The following UTRN variants were observed in gnomAD, a reference collection of about 807,000 sequenced individuals.
The protein encoded by UTRN is dystrophin-related protein 1.
UTRN carries 283 observed loss-of-function variants against 463.9 expected under a neutral mutation model. The ratio of observed to expected loss-of-function variants is 0.61; its 90% CI spans 0.55 to 0.67. The LOEUF is 0.67. UTRN is among the 30% of genes least tolerant of loss of function. The pLI is 0.00. For missense variants in UTRN, 3,922 were observed against 4,084.3 expected (o/e 0.96, Z 1.08); for synonymous variants, 1,442 against 1,431.5 (o/e 1.01, Z -0.17).
intron 51 of UTRN, among the ~76,000 whole-genome samples, chr6:144,635,476 G>C (rs530810101): frequency 7.1e-6 from 1 of 141,314 alleles, no homozygotes; most frequent in East Asian, 2.1e-4. Flanking sequence ...TGAATTCATA[G>C]ACTTCTCAGT....
At chr6:144,406,278 C>T (rs925822635) in intron 3 of UTRN, among the ~76,000 whole-genome samples, 9 of 152,042 alleles carry the variant, frequency 5.9e-5, no homozygotes, top group Admixed American at 4.6e-4. Context: ...AATACATGGA[C>T]CACTGTGATA....
chr6:144,293,019 G>A (rs572382303), intron 2 of UTRN, among the ~76,000 whole-genome samples: 2 of 152,232 alleles, frequency 1.3e-5, no homozygotes, highest in African/African-American at 4.8e-5. Flanking sequence ...GTAGCTTGAC[G>A]GGTCTTTTGA....
intron 51 of UTRN, among the ~76,000 whole-genome samples, chr6:144,607,342 AC>A (rs1165174143): frequency 1.3e-5 from 2 of 152,178 alleles, no homozygotes; most frequent in Non-Finnish European, 2.9e-5. Flanking sequence ...TTGGAGCTGC[AC>A]GATGCACATT....
At chr6:144,378,522 G>T (rs533202691) in intron 2 of UTRN, among the ~76,000 whole-genome samples, 1 of 152,350 alleles carries the variant, frequency 6.6e-6, no homozygotes, top group South Asian at 2.1e-4. Flanking sequence ...AATTAAACCT[G>T]CAATGTTCGT....
intron 2 of UTRN, chr6:144,344,043 TG>T: frequency 1.4e-6 from 1 of 720,022 alleles, no homozygotes; most frequent in South Asian, 2.2e-5. Context: ...TTAGAGGAGG[TG>T]GGGTTAGGTT....
chr6:144,618,912 A>C (rs976108986), intron 51 of UTRN, among the ~76,000 whole-genome samples: 9 of 152,138 alleles, frequency 5.9e-5, no homozygotes, highest in African/African-American at 1.7e-4. Flanking sequence ...GTATTTAACA[A>C]CTTTTATGTT....
intron 7 of UTRN, among the ~76,000 whole-genome samples, chr6:144,427,649 T>A (rs1785409758): frequency 6.6e-6 from 1 of 152,244 alleles, no homozygotes; most frequent in South Asian, 2.1e-4. Context: ...ATAGTTTTTG[T>A]AGCTTTTTTG....
chr6:144,501,946 T>C (rs1306754975), intron 34 of UTRN, among the ~76,000 whole-genome samples: 1 of 152,182 alleles, frequency 6.6e-6, no homozygotes, highest in African/African-American at 2.4e-5. Context: ...CTGTTAAAAA[T>C]ACCGCTTTTT....
chr6:144,649,197 G>T (rs1415174017), intron 51 of UTRN, among the ~76,000 whole-genome samples: 3 of 152,166 alleles, frequency 2.0e-5, no homozygotes, highest in African/African-American at 7.2e-5. Flanking sequence ...ACACGAGGAG[G>T]CTATTATTTA....
At chr6:144,688,204 G>A (rs1782947226) in intron 52 of UTRN, among the ~76,000 whole-genome samples, 1 of 151,992 alleles carries the variant, frequency 6.6e-6, no homozygotes, top group African/African-American at 2.4e-5. Context: ...CCTTAAATAT[G>A]TATTCCATTT....
intron 51 of UTRN, among the ~76,000 whole-genome samples, chr6:144,583,932 G>A (rs1802217467): frequency 1.3e-5 from 2 of 152,016 alleles, no homozygotes; most frequent in Non-Finnish European, 2.9e-5. Flanking sequence ...ATAGTGAATG[G>A]CACATTAATC....
At chr6:144,843,029 A>AT (rs1370054449) in intron 73 of UTRN, among the ~76,000 whole-genome samples, 2 of 152,128 alleles carry the variant, frequency 1.3e-5, no homozygotes, top group South Asian at 2.1e-4. Flanking sequence ...AGAGGTTTTG[A>AT]TTTTCAATTG....
At chr6:144,714,145 G>T (rs898698816) in intron 53 of UTRN, among the ~76,000 whole-genome samples, 2 of 151,798 alleles carry the variant, frequency 1.3e-5, no homozygotes, top group Non-Finnish European at 2.9e-5. Flanking sequence ...TTTAAATTTT[G>T]TCTGCATACC....
chr6:144,371,004 G>A (rs1355035509), intron 2 of UTRN, among the ~76,000 whole-genome samples: 2 of 152,108 alleles, frequency 1.3e-5, no homozygotes, highest in African/African-American at 2.4e-5. Flanking sequence ...CAGGTGTACT[G>A]CCCCAGTCAA....
At chr6:144,330,585 A>G (rs1364504028) in intron 2 of UTRN, among the ~76,000 whole-genome samples, 1 of 152,204 alleles carries the variant, frequency 6.6e-6, no homozygotes, top group Non-Finnish European at 1.5e-5. Flanking sequence ...GAAGAGAGGA[A>G]GTGCTTGGCT....
intron 53 of UTRN, among the ~76,000 whole-genome samples, chr6:144,725,265 G>A (rs886685651): frequency 3.3e-5 from 5 of 152,074 alleles, no homozygotes; most frequent in African/African-American, 7.2e-5. Flanking sequence ...CTCTTCCTTC[G>A]TCTTCTGCAA....
chr6:144,348,585 G>A (rs956933743), intron 2 of UTRN, among the ~76,000 whole-genome samples: 2 of 152,180 alleles, frequency 1.3e-5, no homozygotes, highest in Non-Finnish European at 2.9e-5. Context: ...ACTTACAGAG[G>A]TGAGAGAATG....
chr6:144,562,144 C>T (rs1469964313), intron 50 of UTRN, among the ~76,000 whole-genome samples: 4 of 152,058 alleles, frequency 2.6e-5, no homozygotes, highest in Non-Finnish European at 4.4e-5. Flanking sequence ...AAAAGTCCAA[C>T]CATCCTGGGA....
intron 51 of UTRN, among the ~76,000 whole-genome samples, chr6:144,638,486 G>GT (rs897646200): frequency 3.1e-4 from 47 of 152,320 alleles, no homozygotes; most frequent in African/African-American, 1.1e-3. Context: ...TTCACAGGTA[G>GT]TAAATCATTA....
Sources: gnomAD v4.1 joint callset for allele counts (sites outside exome capture counted in the v4.1 genomes callset) on GRCh38, gnomAD v4.1.1 for gene constraint, MANE v1.5 for transcripts, NCBI Gene and HGNC (gene_info 2026-07-23, HGNC 2026-07-21) for gene names.